Variants in GNG5 observed in about 807,000 individuals in gnomAD.
GNG5 encodes the protein G protein subunit gamma 5.
In GNG5, 2 loss-of-function variants were observed where a neutral mutation model predicts 6.2. The ratio of observed to expected loss-of-function variants is 0.32; its 90% CI spans 0.13 to 1.01. The LOEUF (loss-of-function observed/expected upper bound fraction) is 1.01. GNG5 is among the 50% of genes least tolerant of loss of function. GNG5 has a pLI of 0.48. For synonymous variants in GNG5, 24 were observed against 33.0 expected (o/e 0.73, Z 0.93); for missense variants, 57 against 80.2 (o/e 0.71, Z 1.10).
chr1:84,500,603 CAA>C (rs1682038666), intron 3 of GNG5, among the ~76,000 whole-genome samples: 1 of 152,118 alleles, frequency 6.6e-6, no homozygotes, highest in African/African-American at 2.4e-5. Flanking sequence ...GTACCAGAAA[CAA>C]AGGATATTAT....
chr1:84,502,096 A>T, intron 2 of GNG5, 126 bp from the exon 3 acceptor site: 1 of 557,246 alleles, frequency 1.8e-6, no homozygotes, highest in Non-Finnish European at 3.2e-6. Context: ...AGAAGATACT[A>T]TATAATAATT....
At chr1:84,505,965 C>A (rs772533021) in intron 2 of GNG5, 46 bp downstream of exon 2, 1 of 1,281,050 alleles carries the variant, frequency 7.8e-7, no homozygotes, top group East Asian at 3.2e-5. Flanking sequence ...GGATCCCACC[C>A]GCCGCCGCCG....
Position 84,506,246 on chromosome 1 carries a change from C to T in GNG5, c.-155G>A, listed in dbSNP as rs1682224178. 1 of 513,872 alleles carries T rather than the reference C, an allele frequency of 1.9e-6. No homozygotes were observed. Among genetic ancestry groups the T allele is most frequent in the Non-Finnish European group, 3.2e-6 (1 of 310,682 alleles). 31.8% of individuals were successfully genotyped at this position (513,872 alleles called of 1,614,324 possible). A position where few individuals can be genotyped will look rare whatever the true frequency, so the allele number is the denominator to read the frequency against. Reference sequence around the variant, plus strand: ...GCTCAGCGGCTCCACCCTCGGTGCGCATGCGCGCCTTGCCAGCCCTCTGTT... The same window carrying T: ...GCTCAGCGGCTCCACCCTCGGTGCGTATGCGCGCCTTGCCAGCCCTCTGTT... On this transcript the variant is annotated 5_prime_UTR_variant, in exon 2 of 4. An upstream start codon of the reference 5' UTR is lost. Transcript: ENST00000370645.
At chr1:84,499,650 G>GA (rs1271563711) in intron 3 of GNG5, among the ~76,000 whole-genome samples, 1 of 152,130 alleles carries the variant, frequency 6.6e-6, no homozygotes, top group Admixed American at 6.5e-5. Flanking sequence ...AAGGCAGAAT[G>GA]AAAAACGGCG....
At chr1:84,502,489 A>G (rs895034316) in intron 2 of GNG5, among the ~76,000 whole-genome samples, 1 of 152,134 alleles carries the variant, frequency 6.6e-6, no homozygotes, top group Non-Finnish European at 1.5e-5. Context: ...TTAATTAAGT[A>G]TGTTTTCTTT....
intron 2 of GNG5, 95 bp downstream of exon 2, chr1:84,505,916 C>G (rs1682191014): frequency 2.3e-6 from 2 of 875,088 alleles, no homozygotes; most frequent in East Asian, 3.6e-5. Context: ...GAAGCGAGGG[C>G]CGGCGCGTGT....
chr1:84,506,287 G>T lies in GNG5; in HGVS notation c.-196C>A, dbSNP rs927187546. 3 of 424,716 alleles carry T rather than the reference G, an allele frequency of 7.1e-6. No homozygotes were observed. The highest frequency in any genetic ancestry group is 1.2e-5 in the Non-Finnish European group (3 of 240,128). The allele number at this position is 424,716 out of a possible 1,614,324, so 26.3% of individuals were successfully genotyped here. A position where few individuals can be genotyped will look rare whatever the true frequency, so the allele number is the denominator to read the frequency against. ...GCCCTCTGTTCCAGCTCCACACCCG[G>T]CCCCGAGCGCGAGCCTGGAGGAGGG... On this transcript the variant is annotated 5_prime_UTR_variant, in exon 2 of 4. Coordinates refer to ENST00000370645, the MANE Select transcript of GNG5 (RefSeq NM_005274.3).
intron 2 of GNG5, among the ~76,000 whole-genome samples, chr1:84,502,662 A>G (rs920287279): frequency 4.6e-5 from 7 of 152,228 alleles, no homozygotes; most frequent in African/African-American, 4.8e-5. Flanking sequence ...ACAAAAAGCA[A>G]TAACATTCTA....
intron 2 of GNG5, among the ~76,000 whole-genome samples, chr1:84,505,706 A>G (rs1334146715): frequency 6.6e-6 from 1 of 152,204 alleles, no homozygotes; most frequent in East Asian, 1.9e-4. Flanking sequence ...CCAGCCGAGA[A>G]GGCTGCCAAG....
chr1:84,502,102 T>A (rs2101891414), intron 2 of GNG5, 132 bp from the exon 3 acceptor site: 1 of 502,332 alleles, frequency 2.0e-6, no homozygotes, highest in Non-Finnish European at 3.6e-6. Flanking sequence ...TACTATATAA[T>A]AATTGAAGAC....
chr1:84,506,360 C>G, intron 1 of GNG5, 59 bp from the exon 2 acceptor site: 1 of 343,016 alleles, frequency 2.9e-6, no homozygotes, highest in Admixed American at 5.1e-5. Context: ...CTGCTGGAGG[C>G]TAGCGCGACC....
chr1:84,505,926 T>C (rs1682192648), intron 2 of GNG5, 85 bp downstream of exon 2: 1 of 968,742 alleles, frequency 1.0e-6, no homozygotes, highest in Non-Finnish European at 1.4e-6. Flanking sequence ...CCGGCGCGTG[T>C]CCCGCCCGCC....
chr1:84,501,947 C>T lies in GNG5; in HGVS notation c.105G>A (p.Leu35=), dbSNP rs1457416532. 3.7e-6 allele frequency: 6 copies of T among 1,611,052 alleles called. No individual in the cohort carries two copies. ...GAGCATTCTGCAGACAGAACTGTTT[C>T]AAGTCTGCAGCTGCCTGGGAAACCT... ...RVKVSQAAAD[L]KQFCLQNAQH... Residue 35 remains leucine, a synonymous_variant, in exon 3 of 4, where the codon TTG becomes TTA. Transcript: ENST00000370645.
chr1:84,498,380 C>A lies in GNG5; in HGVS notation c.*188G>T, dbSNP rs944679797. 6.6e-6 allele frequency: 1 copy of A among 152,504 alleles called. No homozygotes were observed. The highest frequency in any genetic ancestry group is 1.5e-5 in the Non-Finnish European group (1 of 68,000). 9.4% of individuals were successfully genotyped at this position (152,504 alleles called of 1,614,324 possible). A position where few individuals can be genotyped will look rare whatever the true frequency, so the allele number is the denominator to read the frequency against. ...GCTGCCAGTGTATATAAAACAATTA[C>A]CCTTGTGAAATAGAAATTCATGAAA... On this transcript the variant is annotated 3_prime_UTR_variant, in exon 4 of 4. Coordinates refer to ENST00000370645, the MANE Select transcript of GNG5 (RefSeq NM_005274.3).
intron 2 of GNG5, 45 bp downstream of exon 2, chr1:84,505,966 G>T (rs1164370094): frequency 2.8e-5 from 26 of 922,036 alleles, no homozygotes; most frequent in Non-Finnish European, 4.1e-5. Context: ...GATCCCACCC[G>T]CCGCCGCCGC....
At position 84,498,467 on chromosome 1, in the gene GNG5, GT is replaced by G. The variant is rs1157843763; in HGVS notation, c.*100del. ...GAAGTTTGTATATTATGGCACATGTGTTACAGGGATAAGCTTTTGTACAGGC... is the reference window on the plus strand; with the variant it reads ...GAAGTTTGTATATTATGGCACATGTGTACAGGGATAAGCTTTTGTACAGGC... On this transcript the variant is annotated 3_prime_UTR_variant, in exon 4 of 4. Coordinates refer to ENST00000370645, the MANE Select transcript of GNG5 (RefSeq NM_005274.3). The G allele has an allele frequency of 6.6e-6, 1 of 152,374 alleles. No individual in the cohort carries two copies. Among genetic ancestry groups the G allele is most frequent in the Non-Finnish European group, 1.5e-5 (1 of 67,992 alleles). The allele number at this position is 152,374 out of a possible 1,614,324, so 9.4% of individuals were successfully genotyped here. A position where few individuals can be genotyped will look rare whatever the true frequency, so the allele number is the denominator to read the frequency against.
At chr1:84,499,681 C>T (rs12140555) in intron 3 of GNG5, among the ~76,000 whole-genome samples, 27,464 of 151,978 alleles carry the variant, frequency 0.18, 2,561 homozygotes, top group South Asian at 0.31. Context: ...ATAAGCCTGT[C>T]GTCTTATCTG....
chr1:84,500,758 T>C (rs574112942), intron 3 of GNG5, among the ~76,000 whole-genome samples: 2 of 152,218 alleles, frequency 1.3e-5, no homozygotes, highest in South Asian at 2.1e-4. Context: ...ACTGGAAACA[T>C]GTACTTATAC....
At chr1:84,500,350 AAT>A (rs1422010456) in intron 3 of GNG5, among the ~76,000 whole-genome samples, 3 of 152,228 alleles carry the variant, frequency 2.0e-5, no homozygotes, top group African/African-American at 7.2e-5. Flanking sequence ...TGCTGGGATT[AAT>A]AGACATTATT....
Sources: allele counts gnomAD v4.1 joint callset (sites outside exome capture counted in the v4.1 genomes callset), GRCh38; gene constraint gnomAD v4.1.1; transcripts MANE v1.5; gene names NCBI Gene and HGNC (gene_info 2026-07-23, HGNC 2026-07-21).